Variants in B4GALT1 observed in about 807,000 individuals in gnomAD.
B4GALT1 encodes the protein beta-1,4-galactosyltransferase 1.
A neutral mutation model predicts 34.9 loss-of-function variants in B4GALT1; 16 were observed. The ratio of observed to expected loss-of-function variants is 0.46; its 90% CI spans 0.31 to 0.70. B4GALT1 has a LOEUF of 0.70. B4GALT1 is among the 30% of genes least tolerant of loss of function. The pLI is 0.05. For synonymous variants in B4GALT1, 221 were observed against 218.1 expected, an observed-to-expected ratio of 1.01 and a Z score of -0.12; for missense variants, 445 against 530.5, an observed-to-expected ratio of 0.84 and a Z score of 1.58.
At chr9:33,118,612 G>A (rs1254116272) in intron 3 of B4GALT1, among the ~76,000 whole-genome samples, 1 of 151,912 alleles carries the variant, frequency 6.6e-6, no homozygotes. Flanking sequence ...TAAGGCTATA[G>A]TGAGCCATGA....
chr9:33,131,123 T>A (rs1344235487), intron 2 of B4GALT1, among the ~76,000 whole-genome samples: 1 of 152,130 alleles, frequency 6.6e-6, no homozygotes, highest in Non-Finnish European at 1.5e-5. Context: ...CACAGCACAC[T>A]CTCAGCCCTG....
intron 1 of B4GALT1, among the ~76,000 whole-genome samples, chr9:33,156,287 C>T (rs566594077): frequency 2.0e-5 from 3 of 152,196 alleles, no homozygotes; most frequent in African/African-American, 7.2e-5. Context: ...GTGCATGCCA[C>T]CACACCCGGC....
chr9:33,164,621 C>G (rs1840721417), intron 1 of B4GALT1, among the ~76,000 whole-genome samples: 1 of 152,188 alleles, frequency 6.6e-6, no homozygotes, highest in African/African-American at 2.4e-5. Context: ...TGGTGACAAG[C>G]CGATCACTAG....
intron 1 of B4GALT1, among the ~76,000 whole-genome samples, chr9:33,150,233 T>TATAC (rs1840492142): frequency 2.2e-5 from 3 of 138,132 alleles, no homozygotes; most frequent in African/African-American, 8.2e-5. Context: ...TACAGGTAGA[T>TATAC]ACACACACAC....
chr9:33,135,055 G>T, intron 2 of B4GALT1, 134 bp downstream of exon 2: 3 of 888,220 alleles, frequency 3.4e-6, no homozygotes, highest in Non-Finnish European at 5.4e-6. Context: ...GGTGGTGGCT[G>T]GGGGGCTGGT....
chr9:33,140,272 G>A (rs1332393314), intron 1 of B4GALT1, among the ~76,000 whole-genome samples: 8 of 152,200 alleles, frequency 5.3e-5, no homozygotes, highest in Non-Finnish European at 1.5e-5. Flanking sequence ...CGAAAGAAGC[G>A]TTGGCCTGAT....
intron 1 of B4GALT1, among the ~76,000 whole-genome samples, chr9:33,145,513 T>G (rs1344972001): frequency 3.3e-5 from 5 of 152,152 alleles, no homozygotes; most frequent in Admixed American, 1.3e-4. Flanking sequence ...GATCAGATTC[T>G]GCCACCTCAA....
intron 1 of B4GALT1, among the ~76,000 whole-genome samples, chr9:33,160,715 G>A (rs528713753): frequency 1.3e-5 from 2 of 152,142 alleles, no homozygotes; most frequent in South Asian, 2.1e-4. Context: ...GCAGTGAGCC[G>A]TGATCACTGC....
At chr9:33,118,010 A>G (rs1189472539) in intron 3 of B4GALT1, among the ~76,000 whole-genome samples, 1 of 152,184 alleles carries the variant, frequency 6.6e-6, no homozygotes, top group African/African-American at 2.4e-5. Flanking sequence ...TCCTTGTGAA[A>G]CAAACATGGT....
At chr9:33,171,964 C>T (rs531946701), upstream of B4GALT1, among the ~76,000 whole-genome samples, 1 of 152,282 alleles carries the variant, frequency 6.6e-6, no homozygotes, top group South Asian at 2.1e-4. Flanking sequence ...AGGTAAAATA[C>T]ATTAGTGTCT....
intron 1 of B4GALT1, among the ~76,000 whole-genome samples, chr9:33,142,107 C>T (rs921766322): frequency 6.6e-6 from 1 of 152,112 alleles, no homozygotes; most frequent in African/African-American, 2.4e-5. Flanking sequence ...CACAGCCTCC[C>T]GAGTAGCTGG....
chr9:33,170,361 C>T (rs186926144), upstream of B4GALT1, among the ~76,000 whole-genome samples: 7 of 152,182 alleles, frequency 4.6e-5, no homozygotes, highest in Admixed American at 1.3e-4. Context: ...TAGTTTAGAA[C>T]GTAAAGTGGA....
In B4GALT1 at chr9:33,160,955, C is replaced by T. The variant is rs147755433; in HGVS notation, c.412+5803G>A. 2.5e-3 allele frequency among the ~76,000 whole-genome samples: 387 copies of T among 152,146 alleles called. 1 individual carries two copies. Among genetic ancestry groups the T allele is most frequent in the African/African-American group, 8.3e-3 (346 of 41,482 alleles). Reference sequence around the variant, plus strand: ...AAAATGAAGGAAGAGATTATCCCCCCTCAAAAGGCAAAAGCAAAGACCCAT... The same window carrying T: ...AAAATGAAGGAAGAGATTATCCCCCTTCAAAAGGCAAAAGCAAAGACCCAT... On this transcript the variant is annotated intron_variant, in intron 1 of 5. Coordinates refer to ENST00000379731, the MANE Select transcript of B4GALT1 (RefSeq NM_001497.4).
chr9:33,175,378 G>A, the B4GALT1 span, among the ~76,000 whole-genome samples: 1 of 152,010 alleles, frequency 6.6e-6, no homozygotes, highest in Admixed American at 6.6e-5. Flanking sequence ...TGGGGACTAA[G>A]CATAAAATGA....
chr9:33,153,173 A>G (rs1840547914), intron 1 of B4GALT1, among the ~76,000 whole-genome samples: 1 of 152,230 alleles, frequency 6.6e-6, no homozygotes. Flanking sequence ...AAAGGTTAGT[A>G]ACACCCAGGG....
intron 3 of B4GALT1, among the ~76,000 whole-genome samples, chr9:33,118,570 C>T (rs759490552): frequency 4.0e-5 from 6 of 151,254 alleles, no homozygotes; most frequent in Non-Finnish European, 7.4e-5. Context: ...CTAGGAAAGC[C>T]GAGGTGAGAG....
At chr9:33,150,233 T>TACACACAC (rs10701535) in intron 1 of B4GALT1, among the ~76,000 whole-genome samples, 3,071 of 138,120 alleles carry the variant, frequency 0.022, 54 homozygotes, top group Admixed American at 0.056. Flanking sequence ...TACAGGTAGA[T>TACACACAC]ACACACACAC....
chr9:33,107,277 G>A (rs114241713), downstream of B4GALT1, among the ~76,000 whole-genome samples: 714 of 152,324 alleles, frequency 4.7e-3, 4 homozygotes, highest in African/African-American at 0.016. Context: ...GGCATGGTAA[G>A]AAGTTCCAGT....
chr9:33,183,210 A>G, the B4GALT1 span, among the ~76,000 whole-genome samples: 3 of 152,062 alleles, frequency 2.0e-5, no homozygotes, highest in African/African-American at 7.2e-5. Context: ...GCTTATCCAT[A>G]CTGTGTATAT....
Sources: allele counts gnomAD v4.1 joint callset (sites outside exome capture counted in the v4.1 genomes callset), GRCh38; gene constraint gnomAD v4.1.1; transcripts MANE v1.5; gene names NCBI Gene and HGNC (gene_info 2026-07-23, HGNC 2026-07-21).